EPHA3: variants seen among roughly 807,000 people sequenced by gnomAD.
The protein encoded by EPHA3 is ephrin type-A receptor 3.
EPHA3 carries 42 observed loss-of-function variants against 107.1 expected under a neutral mutation model. The observed-to-expected ratio is 0.39, with a 90% CI of 0.31 to 0.51. EPHA3 has a LOEUF of 0.51. EPHA3 is among the 20% of genes least tolerant of loss of function. The probability of loss-of-function intolerance (pLI) is 0.78; values close to 1 mark genes in which losing one functional copy is unlikely to be tolerated. For synonymous variants in EPHA3, 461 were observed against 424.8 expected (o/e 1.09, Z -1.05); for missense variants, 1,183 against 1,211.2 (o/e 0.98, Z 0.35).
intron 15 of EPHA3, among the ~76,000 whole-genome samples, chr3:89,461,128 C>T (rs1710230666): frequency 1.1e-5 from 1 of 88,910 alleles, no homozygotes; most frequent in Non-Finnish European, 2.1e-5. Flanking sequence ...TTTCCAATTT[C>T]ATCCATGTCC....
intron 3 of EPHA3, among the ~76,000 whole-genome samples, chr3:89,233,219 T>C (rs796571088): frequency 5.9e-5 from 9 of 152,290 alleles, no homozygotes; most frequent in African/African-American, 2.2e-4. Context: ...ATGAATTATT[T>C]AGAAAATCAA....
intron 5 of EPHA3, among the ~76,000 whole-genome samples, chr3:89,359,768 C>CACACATATATATACATATATACATATAT (rs1559663618): frequency 1.9e-5 from 2 of 104,030 alleles, no homozygotes; most frequent in Non-Finnish European, 4.0e-5. Context: ...CACATATATA[C>CACACATATATATACATATATACATATAT]ACACATATAT....
At chr3:89,312,825 A>T (rs1358574690) in intron 3 of EPHA3, among the ~76,000 whole-genome samples, 2 of 151,960 alleles carry the variant, frequency 1.3e-5, no homozygotes, top group East Asian at 3.9e-4. Context: ...TATAAGTGAG[A>T]ATATGCGGTG....
chr3:89,202,417 G>A (rs896357791), intron 2 of EPHA3, among the ~76,000 whole-genome samples: 1 of 150,708 alleles, frequency 6.6e-6, no homozygotes, highest in Non-Finnish European at 1.5e-5. Flanking sequence ...TCCGGTGACT[G>A]AGGCAGGAGA....
intron 2 of EPHA3, among the ~76,000 whole-genome samples, chr3:89,161,948 G>C (rs573793753): frequency 7.3e-5 from 11 of 151,714 alleles, no homozygotes; most frequent in African/African-American, 2.4e-4. Flanking sequence ...CTGCACTCCA[G>C]CCTGGGTGAT....
At position 89,288,530 on chromosome 3, in the gene EPHA3, A is replaced by G. The variant is rs1418070398; in HGVS notation, c.815-52386A>G. On this transcript the variant is annotated intron_variant, in intron 3 of 16. Coordinates refer to ENST00000336596, the MANE Select transcript of EPHA3 (RefSeq NM_005233.6). ...AAAGTGTTATAGGCTTGAGTATTCT[A>G]TTACTGCATGGTTTTCAGGAGCCAA... Among the ~76,000 whole-genome samples the G allele has an allele frequency of 5.3e-5, 8 of 152,238 alleles. No individual in the cohort carries two copies. The East Asian group carries it at 1.5e-3, about 29-fold the overall frequency.
chr3:89,249,891 A>G (rs1484341847), intron 3 of EPHA3, among the ~76,000 whole-genome samples: 2 of 152,200 alleles, frequency 1.3e-5, no homozygotes, highest in Admixed American at 6.5e-5. Context: ...AACAACCACA[A>G]GATTCACCCA....
intron 5 of EPHA3, among the ~76,000 whole-genome samples, chr3:89,350,601 C>A (rs1263499651): frequency 6.6e-6 from 1 of 150,934 alleles, no homozygotes; most frequent in Non-Finnish European, 1.5e-5. Flanking sequence ...TCGTCTGAAG[C>A]CTTCTTCTCT....
In EPHA3 at chr3:89,360,518, C is replaced by T. The variant is rs148666732; in HGVS notation, c.1306+18428C>T. On this transcript the variant is annotated intron_variant, in intron 5 of 16. Coordinates refer to ENST00000336596, the MANE Select transcript of EPHA3 (RefSeq NM_005233.6). ...AGTCAAAGCTGTTGGAGTCATTTGG[C>T]GCTTCTCTTTCTCTCAAACTGTATA... is the stretch of plus-strand genomic sequence containing the variant. Among the ~76,000 whole-genome samples the T allele has an allele frequency of 1.8e-3, 265 of 150,992 alleles. 4 individuals carry two copies. The highest frequency in any genetic ancestry group is 6.8e-3 in the Middle Eastern group (2 of 294).
intron 2 of EPHA3, among the ~76,000 whole-genome samples, chr3:89,171,464 C>A (rs1375996726): frequency 6.6e-6 from 1 of 152,060 alleles, no homozygotes; most frequent in Non-Finnish European, 1.5e-5. Context: ...TTTCTTATGA[C>A]ACAAATTGAT....
chr3:89,450,455 C>T, intron 15 of EPHA3, 85 bp downstream of exon 15: 2 of 1,318,196 alleles, frequency 1.5e-6, no homozygotes, highest in Non-Finnish European at 2.1e-6. Context: ...AGCCCACCCC[C>T]AAAATGCATT....
chr3:89,251,625 T>G (rs1443761041), intron 3 of EPHA3, among the ~76,000 whole-genome samples: 1 of 152,134 alleles, frequency 6.6e-6, no homozygotes, highest in Admixed American at 6.5e-5. Context: ...CCCCTGCTCT[T>G]TCAACTATCA....
At chr3:89,277,016 G>A (rs1204278467) in intron 3 of EPHA3, among the ~76,000 whole-genome samples, 6 of 152,038 alleles carry the variant, frequency 3.9e-5, no homozygotes, top group African/African-American at 1.2e-4. Flanking sequence ...AAACAGCATT[G>A]CCTCTCCTTA....
At chr3:89,358,138 G>A (rs116622375) in intron 5 of EPHA3, among the ~76,000 whole-genome samples, 2,569 of 151,164 alleles carry the variant, frequency 0.017, 95 homozygotes, top group African/African-American at 0.055. Context: ...TGAAAGAAGA[G>A]AGACTTTTTT....
At chr3:89,324,498 TTA>T (rs1707121122) in intron 3 of EPHA3, among the ~76,000 whole-genome samples, 1 of 151,726 alleles carries the variant, frequency 6.6e-6, no homozygotes, top group African/African-American at 2.4e-5. Flanking sequence ...GTTTATTTTT[TTA>T]TTTTTTTTAT....
intron 3 of EPHA3, among the ~76,000 whole-genome samples, chr3:89,262,453 A>T (rs1317075099): frequency 4.0e-5 from 6 of 151,812 alleles, no homozygotes; most frequent in Admixed American, 1.3e-4. Context: ...TAGCTATGTC[A>T]CTCTCATTTT....
Position 89,480,966 on chromosome 3 carries a change from T to C in EPHA3, c.*1464T>C, listed in dbSNP as rs1158657492. On this transcript the variant is annotated 3_prime_UTR_variant, in exon 17 of 17. Transcript: ENST00000336596. ...TCATCACAGGGATTTAGACTTACTATTACATAAAGGCTAACTATGAGCTTG... is the reference window on the plus strand; with the variant it reads ...TCATCACAGGGATTTAGACTTACTACTACATAAAGGCTAACTATGAGCTTG... 4.3e-6 allele frequency: 1 copy of C among 231,744 alleles called. No homozygotes were observed. Among genetic ancestry groups the C allele is most frequent in the African/African-American group, 2.2e-5 (1 of 45,258 alleles). 14.4% of individuals were successfully genotyped at this position (231,744 alleles called of 1,614,324 possible).
At chr3:89,350,013 A>T (rs1707770331) in intron 5 of EPHA3, among the ~76,000 whole-genome samples, 11 of 147,830 alleles carry the variant, frequency 7.4e-5, no homozygotes, top group Admixed American at 1.4e-4. Context: ...CTTCCCTTTG[A>T]GGGTAACCTG....
At chr3:89,120,264 T>A (rs1219465827) in intron 1 of EPHA3, among the ~76,000 whole-genome samples, 2 of 152,174 alleles carry the variant, frequency 1.3e-5, no homozygotes, top group East Asian at 1.9e-4. Flanking sequence ...AAAGCAAAAC[T>A]GTGAAAAATA....
Sources: gnomAD v4.1 joint callset for allele counts (sites outside exome capture counted in the v4.1 genomes callset) on GRCh38, gnomAD v4.1.1 for gene constraint, MANE v1.5 for transcripts, NCBI Gene and HGNC (gene_info 2026-07-23, HGNC 2026-07-21) for gene names.